The following RNF125 variants were observed in gnomAD, a reference collection of about 807,000 sequenced individuals.
The protein encoded by RNF125 is E3 ubiquitin-protein ligase RNF125.
RNF125 carries 21 observed loss-of-function variants against 26.0 expected under a neutral mutation model. The ratio of observed to expected loss-of-function variants is 0.81; its 90% CI spans 0.57 to 1.16. The LOEUF (loss-of-function observed/expected upper bound fraction) is 1.16, where lower values mean the gene tolerates loss of function less well. Among genes scored for constraint, RNF125 ranks in the 50% most tolerant of loss-of-function variants. The pLI, the probability that RNF125 is intolerant of heterozygous loss-of-function variation, is 0.00. For missense variants in RNF125, 270 were observed against 299.4 expected, an observed-to-expected ratio of 0.90 and a Z score of 0.72; for synonymous variants, 95 against 109.2, an observed-to-expected ratio of 0.87 and a Z score of 0.81.
chr18:32,053,877 CT>C (rs1323051960), intron 4 of RNF125, among the ~76,000 whole-genome samples: 1 of 151,898 alleles, frequency 6.6e-6, no homozygotes, highest in Non-Finnish European at 1.5e-5. Flanking sequence ...ATTGAAAACC[CT>C]GGTAAGGACC....
intron 1 of RNF125, among the ~76,000 whole-genome samples, chr18:32,033,104 C>T (rs2039115120): frequency 6.6e-6 from 1 of 152,158 alleles, no homozygotes; most frequent in Non-Finnish European, 1.5e-5. Flanking sequence ...GTCCAGATTG[C>T]CTGACATGCT....
At chr18:32,037,351 C>A in intron 2 of RNF125, 82 bp downstream of exon 2, 1 of 643,476 alleles carries the variant, frequency 1.6e-6, no homozygotes, top group Non-Finnish European at 2.5e-6. Context: ...GCTTCTGACC[C>A]CATGGTACGC....
downstream of RNF125, chr18:32,076,192 A>T: frequency 2.0e-6 from 1 of 512,720 alleles, no homozygotes. Flanking sequence ...AGCATGGCCC[A>T]ATAAGAACCT....
chr18:32,067,589 T>A (rs984092300), intron 5 of RNF125, among the ~76,000 whole-genome samples: 2 of 152,244 alleles, frequency 1.3e-5, no homozygotes, highest in African/African-American at 4.8e-5. Context: ...TTCATTTAAC[T>A]GAAATATCTG....
intron 5 of RNF125, 154 bp downstream of exon 5, chr18:32,066,163 G>C: frequency 3.7e-6 from 2 of 537,138 alleles, no homozygotes; most frequent in Non-Finnish European, 6.6e-6. Flanking sequence ...AAAATAGAAT[G>C]TTTTGGCCTG....
chr18:32,082,693 G>A, the RNF125 span, among the ~76,000 whole-genome samples: 3 of 152,138 alleles, frequency 2.0e-5, no homozygotes, highest in African/African-American at 7.2e-5. Context: ...TTTGGTGTTT[G>A]CTTTTAGGAA....
chr18:32,088,932 T>G, the RNF125 span, among the ~76,000 whole-genome samples: 2 of 152,064 alleles, frequency 1.3e-5, no homozygotes, highest in African/African-American at 4.8e-5. Flanking sequence ...GTGGTTTAGA[T>G]GGGTTGGAGT....
chr18:32,028,330 A>G (rs2039059143), intron 1 of RNF125, among the ~76,000 whole-genome samples: 1 of 135,976 alleles, frequency 7.4e-6, no homozygotes. Context: ...AAAAAATAAT[A>G]GGTAGTGGTT....
At chr18:32,041,521 T>C (rs909046681) in intron 2 of RNF125, among the ~76,000 whole-genome samples, 2 of 151,970 alleles carry the variant, frequency 1.3e-5, no homozygotes, top group Non-Finnish European at 2.9e-5. Context: ...CCCATTTTTT[T>C]CCCTTGCTTC....
intron 4 of RNF125, among the ~76,000 whole-genome samples, chr18:32,056,270 A>C (rs7236796): frequency 0.2 from 30,973 of 151,960 alleles, 4,563 homozygotes; most frequent in African/African-American, 0.42. Flanking sequence ...CTAGACTGTT[A>C]TAAAATTGCC....
chr18:32,053,906 G>A lies in RNF125; in HGVS notation c.504+8174G>A, dbSNP rs190625317. On this transcript the variant is annotated intron_variant, in intron 4 of 5. Coordinates refer to ENST00000217740, the MANE Select transcript of RNF125 (RefSeq NM_017831.4). The stretch of plus-strand genomic sequence containing the variant: ...TAAGGACCAGTTCAGAAAGACTAGG[G>A]GGGGAGACAGGGTATTTGACTCCAT... 2.2e-4 allele frequency among the ~76,000 whole-genome samples: 33 copies of A among 151,938 alleles called. 1 individual carries two copies. Among genetic ancestry groups the A allele is most frequent in the Non-Finnish European group, 5.9e-5 (4 of 67,992 alleles).
At chr18:32,050,055 A>G (rs1031324133) in intron 4 of RNF125, among the ~76,000 whole-genome samples, 2 of 152,156 alleles carry the variant, frequency 1.3e-5, no homozygotes, top group African/African-American at 2.4e-5. Flanking sequence ...TTGCAAGCAG[A>G]TAAGATCAGT....
At position 32,065,880 on chromosome 18, in the gene RNF125, C is replaced by G. The variant is rs200490423; in HGVS notation, c.505-22C>G. The G allele has an allele frequency of 2.4e-3, 3,525 of 1,497,678 alleles. 9 individuals carry two copies. Among genetic ancestry groups the G allele is most frequent in the Non-Finnish European group, 2.9e-3 (3,104 of 1,076,956 alleles). 92.8% of individuals were successfully genotyped at this position (1,497,678 alleles called of 1,614,324 possible). The stretch of plus-strand genomic sequence containing the variant: ...AACGATTTTAAATTCTTTCTTGAAC[C>G]CCTGGTCTTGTTTGTTTCCAGTTCT... On this transcript the variant is annotated intron_variant, in intron 4 of 5. Coordinates refer to ENST00000217740, the MANE Select transcript of RNF125 (RefSeq NM_017831.4).
At chr18:32,044,273 G>A (rs1224159096) in intron 3 of RNF125, among the ~76,000 whole-genome samples, 2 of 152,140 alleles carry the variant, frequency 1.3e-5, no homozygotes, top group Admixed American at 1.3e-4. Flanking sequence ...CCAGAGTGCT[G>A]GGATTACAGG....
At chr18:32,066,923 T>G (rs1462058639) in intron 5 of RNF125, among the ~76,000 whole-genome samples, 3 of 152,192 alleles carry the variant, frequency 2.0e-5, no homozygotes, top group Non-Finnish European at 4.4e-5. Context: ...CAACAGAACT[T>G]GGTTCTGGTC....
chr18:32,040,444 G>A (rs1274623841), intron 2 of RNF125, among the ~76,000 whole-genome samples: 1 of 151,582 alleles, frequency 6.6e-6, no homozygotes, highest in Non-Finnish European at 1.5e-5. Context: ...GCTAATTTTT[G>A]TATCTTTAGT....
the RNF125 span, among the ~76,000 whole-genome samples, chr18:32,090,470 A>G: frequency 6.6e-6 from 1 of 152,142 alleles, no homozygotes; most frequent in Admixed American, 6.6e-5. Flanking sequence ...AAAAATACAA[A>G]ATATAGTTTG....
At chr18:32,057,837 G>T (rs768686170) in intron 4 of RNF125, among the ~76,000 whole-genome samples, 1 of 152,120 alleles carries the variant, frequency 6.6e-6, no homozygotes, top group Non-Finnish European at 1.5e-5. Context: ...AACATAGATT[G>T]CTGGCCTCTG....
chr18:32,075,845 T>A, downstream of RNF125: 2 of 760,074 alleles, frequency 2.6e-6, no homozygotes, highest in Non-Finnish European at 4.5e-6. Context: ...TGTGTGTGTA[T>A]GTCCACGAGT....
Sources: allele counts gnomAD v4.1 joint callset (sites outside exome capture counted in the v4.1 genomes callset), GRCh38; gene constraint gnomAD v4.1.1; transcripts MANE v1.5; gene names NCBI Gene and HGNC (gene_info 2026-07-23, HGNC 2026-07-21).